Variants in LGSN observed in about 807,000 individuals in gnomAD.
LGSN encodes the protein lengsin.
LGSN carries 21 observed loss-of-function variants against 19.5 expected under a neutral mutation model. The ratio of observed to expected loss-of-function variants is 1.07; its 90% CI spans 0.76 to 1.55. The LOEUF (loss-of-function observed/expected upper bound fraction) is 1.55. Among genes scored for constraint, LGSN ranks in the 40% most tolerant of loss-of-function variants. LGSN has a pLI of 0.00. For missense variants in LGSN, 673 were observed against 608.5 expected, an observed-to-expected ratio of 1.11 and a Z score of -1.12; for synonymous variants, 257 against 215.6, an observed-to-expected ratio of 1.19 and a Z score of -1.68.
chr6:63,335,040 G>A, the LGSN span, among the ~76,000 whole-genome samples: 1 of 151,764 alleles, frequency 6.6e-6, no homozygotes, highest in Admixed American at 6.6e-5. Flanking sequence ...ATATTCAGGA[G>A]GCTGAGGCAG....
At chr6:63,561,332 C>T in the LGSN span, among the ~76,000 whole-genome samples, 23 of 152,110 alleles carry the variant, frequency 1.5e-4, no homozygotes, top group East Asian at 5.8e-4. Flanking sequence ...TGCTTAATAC[C>T]CAACACATAG....
At chr6:63,561,608 CACAACCCAGGTG>C in the LGSN span, among the ~76,000 whole-genome samples, 1 of 152,114 alleles carries the variant, frequency 6.6e-6, no homozygotes, top group East Asian at 1.9e-4. Flanking sequence ...CACTTACAAT[CACAACCCAGGTG>C]ACTTAGGTTA....
the LGSN span, among the ~76,000 whole-genome samples, chr6:63,352,655 CCTCT>C: frequency 1.1e-4 from 16 of 149,516 alleles, no homozygotes; most frequent in East Asian, 1.2e-3. Context: ...TCTCTCTCTT[CCTCT>C]CTCTCTCTCT....
At chr6:63,408,169 G>GA in the LGSN span, among the ~76,000 whole-genome samples, 5 of 152,158 alleles carry the variant, frequency 3.3e-5, no homozygotes, top group African/African-American at 1.2e-4. Context: ...TGCAGAATTG[G>GA]AAAAAACTAC....
the LGSN span, among the ~76,000 whole-genome samples, chr6:63,391,717 A>G: frequency 6.6e-6 from 1 of 152,166 alleles, no homozygotes; most frequent in African/African-American, 2.4e-5. Flanking sequence ...GTTACACTTC[A>G]TGGGCTGATA....
the LGSN span, among the ~76,000 whole-genome samples, chr6:63,326,691 C>T: frequency 7.9e-5 from 12 of 152,244 alleles, no homozygotes; most frequent in Non-Finnish European, 1.5e-4. Context: ...CAGCTGCTGG[C>T]CTGGGTGCTA....
the LGSN span, among the ~76,000 whole-genome samples, chr6:63,543,051 CT>C: frequency 6.6e-6 from 1 of 152,160 alleles, no homozygotes; most frequent in South Asian, 2.1e-4. Context: ...TATGGCCAAT[CT>C]TTTTTCAACT....
the LGSN span, among the ~76,000 whole-genome samples, chr6:63,349,795 A>G: frequency 1.3e-5 from 2 of 152,218 alleles, no homozygotes; most frequent in Non-Finnish European, 2.9e-5. Context: ...GAGATGTACT[A>G]ACGACGTGAT....
In LGSN at chr6:63,279,891, A is replaced by C. The variant is rs1767220586; in HGVS notation, c.*130T>G. On this transcript the variant is annotated 3_prime_UTR_variant, in exon 4 of 4. Coordinates refer to ENST00000370657, the MANE Select transcript of LGSN (RefSeq NM_016571.3). ...TCTGTCAAATATTCCATGGACAAAA[A>C]AAAAAGTCAAAAGCATTCGTAATCT... The C allele has an allele frequency of 4.5e-6, 4 of 890,156 alleles. No individual in the cohort carries two copies. Among genetic ancestry groups the C allele is most frequent in the Non-Finnish European group, 6.9e-6 (4 of 577,276 alleles). 55.1% of individuals were successfully genotyped at this position (890,156 alleles called of 1,614,324 possible).
the LGSN span, among the ~76,000 whole-genome samples, chr6:63,456,373 A>ACTTTTTTTT: frequency 7.0e-5 from 3 of 42,580 alleles, no homozygotes; most frequent in Non-Finnish European, 1.3e-4. Flanking sequence ...ATATATATAT[A>ACTTTTTTTT]TATATATATA....
chr6:63,534,963 G>A, the LGSN span, among the ~76,000 whole-genome samples: 3 of 152,094 alleles, frequency 2.0e-5, no homozygotes, highest in Admixed American at 1.3e-4. Context: ...TGGAAGCTGA[G>A]GCAGGAGAAT....
chr6:63,367,494 G>C, the LGSN span, among the ~76,000 whole-genome samples: 22 of 152,100 alleles, frequency 1.4e-4, no homozygotes, highest in South Asian at 2.1e-4. Context: ...CTGTTGGTGG[G>C]ACTGTAAACT....
At chr6:63,531,789 C>A in the LGSN span, among the ~76,000 whole-genome samples, 1 of 151,990 alleles carries the variant, frequency 6.6e-6, no homozygotes, top group African/African-American at 2.4e-5. Context: ...CCATGTCCAG[C>A]CTCCCATAAC....
the LGSN span, among the ~76,000 whole-genome samples, chr6:63,408,768 C>T: frequency 3.5e-4 from 53 of 151,820 alleles, no homozygotes; most frequent in African/African-American, 1.3e-3. Context: ...AGAAAATTTT[C>T]GCAACCTACT....
At chr6:63,444,179 T>C in the LGSN span, among the ~76,000 whole-genome samples, 1 of 152,138 alleles carries the variant, frequency 6.6e-6, no homozygotes, top group Non-Finnish European at 1.5e-5. Context: ...ATTCACTCAT[T>C]TAATCTTCTC....
the LGSN span, chr6:63,440,834 C>A: frequency 5.8e-6 from 1 of 173,494 alleles, no homozygotes. Flanking sequence ...AGGACCTGAG[C>A]CTCAGCAACC....
At chr6:63,447,076 A>G in the LGSN span, among the ~76,000 whole-genome samples, 2 of 152,256 alleles carry the variant, frequency 1.3e-5, no homozygotes, top group African/African-American at 4.8e-5. Flanking sequence ...AGTTAAGCTC[A>G]ACAAGAATCA....
chr6:63,527,666 C>A, the LGSN span, among the ~76,000 whole-genome samples: 1 of 152,128 alleles, frequency 6.6e-6, no homozygotes, highest in Non-Finnish European at 1.5e-5. Flanking sequence ...CTTAAGTAAC[C>A]ATGTCCAAGG....
At chr6:63,495,003 C>T in the LGSN span, among the ~76,000 whole-genome samples, 3 of 151,786 alleles carry the variant, frequency 2.0e-5, no homozygotes, top group Non-Finnish European at 2.9e-5. Flanking sequence ...CATTTTATGC[C>T]TTTGAGGGTG....
Sources: gnomAD v4.1 joint callset for allele counts (sites outside exome capture counted in the v4.1 genomes callset) on GRCh38, gnomAD v4.1.1 for gene constraint, MANE v1.5 for transcripts, NCBI Gene and HGNC (gene_info 2026-07-23, HGNC 2026-07-21) for gene names.